MCTP2: variants seen among roughly 807,000 people sequenced by gnomAD.
The protein encoded by MCTP2 is multiple C2 and transmembrane domain containing 2.
In MCTP2, 132 loss-of-function variants were observed where a neutral mutation model predicts 111.6. That is an observed-to-expected ratio of 1.18 (90% CI 1.03 to 1.37). The LOEUF is 1.37. Among genes scored for constraint, MCTP2 ranks in the 40% most tolerant of loss-of-function variants. MCTP2 has a pLI of 0.00. For synonymous variants in MCTP2, 395 were observed against 387.7 expected, an observed-to-expected ratio of 1.02 and a Z score of -0.22; for missense variants, 1,183 against 1,067.9, an observed-to-expected ratio of 1.11 and a Z score of -1.50.
intron 12 of MCTP2, 50 bp from the exon 13 acceptor site, chr15:94,383,972 C>G: frequency 7.6e-7 from 1 of 1,316,168 alleles, no homozygotes; most frequent in Admixed American, 1.7e-5. Context: ...TTGCCCTTGT[C>G]CCTTTCGAGA....
At chr15:94,251,915 C>T (rs1234693071) in intron 1 of MCTP2, among the ~76,000 whole-genome samples, 1 of 152,130 alleles carries the variant, frequency 6.6e-6, no homozygotes, top group Non-Finnish European at 1.5e-5. Flanking sequence ...GGCTTATTTC[C>T]CGTAGCATAA....
At chr15:94,402,290 A>AT (rs139536675) in intron 17 of MCTP2, 136,493 of 983,754 alleles carry the variant, frequency 0.14, 9,634 homozygotes, top group African/African-American at 0.14. Context: ...CATTGTGTGT[A>AT]TTTTTTTTCT....
intron 17 of MCTP2, 189 bp downstream of exon 17, chr15:94,402,208 G>A: frequency 1.1e-6 from 1 of 890,312 alleles, no homozygotes; most frequent in African/African-American, 1.8e-5. Context: ...GTAAATTTAA[G>A]AGCACTACTG....
At chr15:94,462,042 A>C (rs1157853087) in intron 20 of MCTP2, among the ~76,000 whole-genome samples, 1 of 152,256 alleles carries the variant, frequency 6.6e-6, no homozygotes, top group East Asian at 1.9e-4. Flanking sequence ...AAGAACCTAC[A>C]GCAGAATATG....
At chr15:94,463,505 G>A (rs552585015) in intron 20 of MCTP2, among the ~76,000 whole-genome samples, 1 of 151,998 alleles carries the variant, frequency 6.6e-6, no homozygotes, top group East Asian at 1.9e-4. Context: ...TTATTATTCT[G>A]GATTTTTTTC....
intron 8 of MCTP2, among the ~76,000 whole-genome samples, chr15:94,346,012 C>T (rs569694277): frequency 2.6e-5 from 4 of 151,986 alleles, no homozygotes; most frequent in Admixed American, 6.5e-5. Context: ...CACATAAATA[C>T]GCCAGCTCTG....
chr15:94,402,520 G>A lies in MCTP2; in HGVS notation c.2085+501G>A, dbSNP rs757620282. On this transcript the variant is annotated intron_variant, in intron 17 of 22. Coordinates refer to ENST00000357742, the MANE Select transcript of MCTP2 (RefSeq NM_001385001.1). ...GAGGAACCACCCCTGTCTATGAAATGTACCCTTTTCTCTGGTGACATTGGC... is the reference window on the plus strand; with the variant it reads ...GAGGAACCACCCCTGTCTATGAAATATACCCTTTTCTCTGGTGACATTGGC... 6 of 1,551,620 alleles carry A rather than the reference G, an allele frequency of 3.9e-6. No individual in the cohort carries two copies. In the African/African-American group the frequency reaches 6.8e-5, roughly 18 times the overall value.
intron 1 of MCTP2, among the ~76,000 whole-genome samples, chr15:94,284,014 G>T (rs1397196483): frequency 1.3e-5 from 2 of 152,152 alleles, no homozygotes; most frequent in African/African-American, 2.4e-5. Context: ...CAAGGATGTT[G>T]CACAATGGGA....
intron 4 of MCTP2, among the ~76,000 whole-genome samples, chr15:94,327,960 A>G (rs984786214): frequency 6.6e-6 from 1 of 152,132 alleles, no homozygotes; most frequent in African/African-American, 2.4e-5. Flanking sequence ...CTCAATTCCT[A>G]TGAAATACCT....
At chr15:94,365,545 G>A (rs1396598865) in intron 10 of MCTP2, among the ~76,000 whole-genome samples, 1 of 152,124 alleles carries the variant, frequency 6.6e-6, no homozygotes, top group Non-Finnish European at 1.5e-5. Context: ...AATAAGTTGA[G>A]CACTTAAACA....
chr15:94,454,714 ATTTT>A (rs199657903), intron 19 of MCTP2, among the ~76,000 whole-genome samples: 1 of 149,444 alleles, frequency 6.7e-6, no homozygotes, highest in South Asian at 2.1e-4. Flanking sequence ...ATGGAAGTGA[ATTTT>A]TTTTTTAATG....
intron 1 of MCTP2, among the ~76,000 whole-genome samples, chr15:94,283,390 C>A (rs2074594334): frequency 6.6e-6 from 1 of 152,254 alleles, no homozygotes; most frequent in South Asian, 2.1e-4. Context: ...TGCTCCATGG[C>A]AGATAGTCCC....
At chr15:94,433,513 A>C (rs1230623724) in intron 17 of MCTP2, among the ~76,000 whole-genome samples, 4 of 152,066 alleles carry the variant, frequency 2.6e-5, no homozygotes, top group African/African-American at 9.7e-5. Flanking sequence ...GGATATATTC[A>C]CTTTTTTGTT....
chr15:94,386,998 G>C (rs1264863611), intron 14 of MCTP2, among the ~76,000 whole-genome samples: 1 of 152,090 alleles, frequency 6.6e-6, no homozygotes, highest in Non-Finnish European at 1.5e-5. Flanking sequence ...GTGTGTGGTG[G>C]CTGGCATTTA....
intron 19 of MCTP2, among the ~76,000 whole-genome samples, chr15:94,448,999 C>T (rs903876759): frequency 1.3e-5 from 2 of 152,132 alleles, no homozygotes; most frequent in Non-Finnish European, 2.9e-5. Context: ...GAGATCGTGC[C>T]ACTGAATTCC....
chr15:94,376,419 G>A (rs16949050), intron 12 of MCTP2, among the ~76,000 whole-genome samples: 31,662 of 152,086 alleles, frequency 0.21, 4,206 homozygotes, highest in African/African-American at 0.36. Flanking sequence ...AATGACATGG[G>A]AGATATACAG....
intron 17 of MCTP2, among the ~76,000 whole-genome samples, chr15:94,420,310 C>T (rs1400466523): frequency 1.3e-5 from 2 of 152,108 alleles, no homozygotes; most frequent in Non-Finnish European, 2.9e-5. Context: ...TGTTTTCATG[C>T]CTGCTAACAT....
intron 2 of MCTP2, among the ~76,000 whole-genome samples, chr15:94,313,873 G>A (rs550051968): frequency 2.0e-5 from 3 of 152,164 alleles, no homozygotes; most frequent in Admixed American, 6.5e-5. Context: ...GTTTCCTTCC[G>A]AACGGACATG....
intron 4 of MCTP2, among the ~76,000 whole-genome samples, chr15:94,336,140 T>G (rs1473799488): frequency 6.6e-6 from 1 of 152,232 alleles, no homozygotes; most frequent in African/African-American, 2.4e-5. Context: ...AATCTCTGGA[T>G]AGATTGAAAT....
Sources: gnomAD v4.1 joint callset for allele counts (sites outside exome capture counted in the v4.1 genomes callset) on GRCh38, gnomAD v4.1.1 for gene constraint, MANE v1.5 for transcripts, NCBI Gene and HGNC (gene_info 2026-07-23, HGNC 2026-07-21) for gene names.